The following ZNF146 variants were observed in gnomAD, a reference collection of about 807,000 sequenced individuals.
ZNF146 encodes the protein zinc finger protein OZF.
Under a neutral mutation model 22.2 loss-of-function variants are expected in ZNF146, and 9 were observed. The ratio of observed to expected loss-of-function variants is 0.41; its 90% CI spans 0.24 to 0.71. ZNF146 has a LOEUF of 0.71. Ranked by LOEUF, ZNF146 falls within the 30% of genes least tolerant of loss-of-function variation. The probability of loss-of-function intolerance (pLI) is 0.34; values close to 1 mark genes in which losing one functional copy is unlikely to be tolerated. For synonymous variants in ZNF146, 108 were observed against 119.2 expected (o/e 0.91, Z 0.61); for missense variants, 194 against 344.8 (o/e 0.56, Z 3.46).
Position 36,217,053 on chromosome 19 carries a change from G to GTCTT in ZNF146, c.-928-1067_-928-1064dup, listed in dbSNP as rs1426805801. On this transcript the variant is annotated intron_variant, in intron 1 of 3. Transcript: ENST00000443387. The stretch of plus-strand genomic sequence containing the variant: ...CCAGCTTGGTGGACAGCCAGTCCCT[G>GTCTT]TCTTTTTTTTTTTTTTTTTTTTTTT... Among the ~76,000 whole-genome samples, 52 of 71,818 alleles carry GTCTT rather than the reference G, an allele frequency of 7.2e-4. No homozygotes were observed. The East Asian group carries it at 0.016, about 22-fold the overall frequency. 47.1% of individuals were successfully genotyped at this position (71,818 alleles called of 152,430 possible). A position where few individuals can be genotyped will look rare whatever the true frequency, so the allele number is the denominator to read the frequency against.
intron 2 of ZNF146, among the ~76,000 whole-genome samples, chr19:36,223,730 T>G (rs1200763128): frequency 1.3e-5 from 2 of 151,936 alleles, no homozygotes; most frequent in Non-Finnish European, 2.9e-5. Flanking sequence ...TTCAAATTCT[T>G]ATAAAGTTAC....
Position 36,230,009 on chromosome 19 carries a change from C to T in ZNF146, c.-783+1190C>T, listed in dbSNP as rs190399300. On this transcript the variant is annotated intron_variant, in intron 3 of 3. Transcript: ENST00000443387. ...TGCTGGGATTACAGGTTTGAGCCACCGCGCCTGGCTAACGCATAATTTAAC... is the reference window on the plus strand; with the variant it reads ...TGCTGGGATTACAGGTTTGAGCCACTGCGCCTGGCTAACGCATAATTTAAC... Among the ~76,000 whole-genome samples the T allele has an allele frequency of 8.5e-5, 13 of 152,336 alleles. No individual in the cohort carries two copies. The East Asian group carries it at 1.7e-3, about 20-fold the overall frequency.
chr19:36,220,518 C>G (rs1976790555), intron 2 of ZNF146, among the ~76,000 whole-genome samples: 1 of 151,928 alleles, frequency 6.6e-6, no homozygotes, highest in South Asian at 2.1e-4. Flanking sequence ...GTGCATGCCA[C>G]CACGCCCAGC....
At chr19:36,232,297 TCTACTTATGTAG>T (rs1022332746) in intron 3 of ZNF146, among the ~76,000 whole-genome samples, 15 of 152,184 alleles carry the variant, frequency 9.9e-5, no homozygotes, top group Admixed American at 1.3e-4. Context: ...TATGAAATAT[TCTACTTATGTAG>T]GTACTACTTA....
intron 2 of ZNF146, among the ~76,000 whole-genome samples, chr19:36,218,625 C>T (rs1976712063): frequency 6.6e-6 from 1 of 151,794 alleles, no homozygotes. Context: ...GCCACCACGC[C>T]TGGCTAATTT....
At position 36,216,495 on chromosome 19, in the gene ZNF146, A is replaced by C. The variant is rs139705504; in HGVS notation, c.-929+1299A>C. On this transcript the variant is annotated intron_variant, in intron 1 of 3. Coordinates refer to ENST00000443387, the MANE Select transcript of ZNF146 (RefSeq NM_007145.3). ...GTCTCTACTAAAAAAAAATAAAATA[A>C]AAAAATACAAAAATTAGCCGGGCGT... 2.4e-3 allele frequency among the ~76,000 whole-genome samples: 368 copies of C among 151,936 alleles called. 1 individual carries two copies. The highest frequency in any genetic ancestry group is 8.1e-3 in the African/African-American group (337 of 41,420).
At chr19:36,233,246 A>G (rs541649928) in intron 3 of ZNF146, among the ~76,000 whole-genome samples, 1 of 152,166 alleles carries the variant, frequency 6.6e-6, no homozygotes, top group East Asian at 1.9e-4. Context: ...AGGCGTGGTG[A>G]TGCATGCCTG....
intron 2 of ZNF146, among the ~76,000 whole-genome samples, chr19:36,219,435 G>A (rs185719937): frequency 1.1e-3 from 166 of 152,210 alleles, no homozygotes; most frequent in African/African-American, 3.6e-3. Context: ...ATCATTATCC[G>A]CTCCTTTGGA....
intron 2 of ZNF146, among the ~76,000 whole-genome samples, chr19:36,223,113 T>C (rs1976923529): frequency 6.6e-6 from 1 of 151,912 alleles, no homozygotes; most frequent in Non-Finnish European, 1.5e-5. Flanking sequence ...GCTATGGTTT[T>C]CTTTTTATTT....
chr19:36,215,843 A>G (rs1296630554), intron 1 of ZNF146, among the ~76,000 whole-genome samples: 1 of 152,204 alleles, frequency 6.6e-6, no homozygotes, highest in African/African-American at 2.4e-5. Context: ...GAGGGAGTCA[A>G]CGGTTTTAGG....
At chr19:36,227,705 C>A (rs1977133813) in intron 2 of ZNF146, among the ~76,000 whole-genome samples, 2 of 152,284 alleles carry the variant, frequency 1.3e-5, no homozygotes, top group East Asian at 3.9e-4. Context: ...CAGGCGCACA[C>A]CATTGCGCCC....
intron 2 of ZNF146, among the ~76,000 whole-genome samples, chr19:36,226,174 C>T (rs1416557071): frequency 2.0e-5 from 3 of 152,168 alleles, no homozygotes; most frequent in Non-Finnish European, 4.4e-5. Context: ...TCTGTATATC[C>T]AACTGCCTAA....
At chr19:36,222,414 T>C (rs980010556) in intron 2 of ZNF146, among the ~76,000 whole-genome samples, 3 of 152,266 alleles carry the variant, frequency 2.0e-5, no homozygotes, top group African/African-American at 7.2e-5. Flanking sequence ...CGCCATTTTA[T>C]ACTGACACAG....
chr19:36,238,119 AT>A lies in ZNF146; in HGVS notation c.*802del. The A allele has an allele frequency of 6.0e-6, 1 of 167,238 alleles. No individual in the cohort carries two copies. Among genetic ancestry groups the A allele is most frequent in the East Asian group, 1.9e-4 (1 of 5,196 alleles). 10.4% of individuals were successfully genotyped at this position (167,238 alleles called of 1,614,324 possible). On this transcript the variant is annotated 3_prime_UTR_variant, in exon 4 of 4. Transcript: ENST00000443387. ...AAGCCCATCACGAACAATATGGGAA[AT>A]TCTTATGTAATACTATATATCTGTA...
intron 2 of ZNF146, among the ~76,000 whole-genome samples, chr19:36,221,499 A>C (rs1307051527): frequency 6.6e-6 from 1 of 151,986 alleles, no homozygotes; most frequent in Non-Finnish European, 1.5e-5. Flanking sequence ...CATGTTAGCC[A>C]GGATGATCTT....
intron 2 of ZNF146, among the ~76,000 whole-genome samples, chr19:36,219,651 C>T (rs1200601579): frequency 6.6e-6 from 1 of 152,046 alleles, no homozygotes; most frequent in African/African-American, 2.4e-5. Flanking sequence ...GTTATGTTTA[C>T]TTTGGTTCAT....
chr19:36,224,263 T>G (rs1976981605), intron 2 of ZNF146, among the ~76,000 whole-genome samples: 1 of 152,246 alleles, frequency 6.6e-6, no homozygotes, highest in South Asian at 2.1e-4. Context: ...CATGCCTGAA[T>G]CCCAGCTATT....
At chr19:36,218,729 A>G (rs1009297391) in intron 2 of ZNF146, among the ~76,000 whole-genome samples, 1 of 152,034 alleles carries the variant, frequency 6.6e-6, no homozygotes, top group East Asian at 1.9e-4. Flanking sequence ...TCAGCCTCCC[A>G]AAGTCCTGGC....
At chr19:36,224,849 C>G (rs576038274) in intron 2 of ZNF146, among the ~76,000 whole-genome samples, 4 of 152,150 alleles carry the variant, frequency 2.6e-5, no homozygotes, top group Non-Finnish European at 4.4e-5. Context: ...AAATTTTTTT[C>G]ATACAGGTTT....
Sources: allele counts gnomAD v4.1 joint callset (sites outside exome capture counted in the v4.1 genomes callset), GRCh38; gene constraint gnomAD v4.1.1; transcripts MANE v1.5; gene names NCBI Gene and HGNC (gene_info 2026-07-23, HGNC 2026-07-21).